SYT13: variants seen among roughly 807,000 people sequenced by gnomAD.
SYT13 encodes the protein synaptotagmin 13, also known as synaptotagmin-13.
SYT13 carries 21 observed loss-of-function variants against 38.6 expected under a neutral mutation model. The observed-to-expected ratio is 0.54, with a 90% CI of 0.39 to 0.78. SYT13 has a LOEUF of 0.78. Among genes scored for constraint, SYT13 ranks in the 30% least tolerant of loss-of-function variants. SYT13 has a pLI of 0.00. For synonymous variants in SYT13, 241 were observed against 237.6 expected (o/e 1.01, Z -0.13); for missense variants, 495 against 548.7 (o/e 0.90, Z 0.98).
At chr11:45,269,212 T>C (rs959183317) in intron 1 of SYT13, among the ~76,000 whole-genome samples, 16 of 151,974 alleles carry the variant, frequency 1.1e-4, no homozygotes, top group South Asian at 2.1e-4. Context: ...GTGTCCAGAG[T>C]ACAGTCAGTC....
chr11:45,240,903 C>T lies in SYT13; in HGVS notation c.*3149G>A, dbSNP rs1276801890. ...CTTTCGAAAATGATGAGATACTTCACACAGGCTCAGTTACTATAATTTGAT... is the reference window on the plus strand; with the variant it reads ...CTTTCGAAAATGATGAGATACTTCATACAGGCTCAGTTACTATAATTTGAT... On this transcript the variant is annotated 3_prime_UTR_variant, in exon 6 of 6. Coordinates refer to ENST00000020926, the MANE Select transcript of SYT13 (RefSeq NM_020826.3). The T allele has an allele frequency of 2.6e-5, 4 of 152,216 alleles. No homozygotes were observed. The East Asian group carries it at 7.7e-4, about 29-fold the overall frequency. The allele number at this position is 152,216 out of a possible 1,614,324, so 9.4% of individuals were successfully genotyped here. A position where few individuals can be genotyped will look rare whatever the true frequency, so the allele number is the denominator to read the frequency against.
At chr11:45,244,584 G>T (rs778851354) in intron 5 of SYT13, among the ~76,000 whole-genome samples, 2 of 152,146 alleles carry the variant, frequency 1.3e-5, no homozygotes, top group Non-Finnish European at 2.9e-5. Context: ...TGCTATACCA[G>T]CAGGAAAGCA....
intron 1 of SYT13, among the ~76,000 whole-genome samples, chr11:45,285,344 G>C (rs1166436222): frequency 6.6e-6 from 1 of 152,300 alleles, no homozygotes; most frequent in Admixed American, 6.5e-5. Context: ...TGTCTCCAGG[G>C]ACGTCTGCAG....
chr11:45,272,442 A>G lies in SYT13; in HGVS notation c.183+13583T>C, dbSNP rs551160080. ...GGCGACAAAGTGATTCTTCTGTGTG[A>G]ATTTCATGACTAGTCAGGAAGCAGA... is the stretch of plus-strand genomic sequence containing the variant. On this transcript the variant is annotated intron_variant, in intron 1 of 5. Coordinates refer to ENST00000020926, the MANE Select transcript of SYT13 (RefSeq NM_020826.3). 2.0e-5 allele frequency among the ~76,000 whole-genome samples: 3 copies of G among 152,316 alleles called. No individual in the cohort carries two copies. In the East Asian group the frequency reaches 5.8e-4, roughly 29 times the overall value.
chr11:45,263,042 C>T (rs1178177588), intron 1 of SYT13, among the ~76,000 whole-genome samples: 2 of 152,176 alleles, frequency 1.3e-5, no homozygotes, highest in Non-Finnish European at 2.9e-5. Flanking sequence ...TGCTTGTCCT[C>T]TCTCCTCCCA....
In SYT13 at chr11:45,243,922, A is replaced by T; in HGVS notation, c.*130T>A. 1 of 953,476 alleles carries T rather than the reference A, an allele frequency of 1.0e-6. No homozygotes were observed. Among genetic ancestry groups the T allele is most frequent in the East Asian group, 2.4e-5 (1 of 41,190 alleles). 59.1% of individuals were successfully genotyped at this position (953,476 alleles called of 1,614,324 possible). ...TTCTAAGAAACAAGAGTATGATGAG[A>T]GAGCCATCCCAGCCTTGCAAACACA... On this transcript the variant is annotated 3_prime_UTR_variant, in exon 6 of 6. Transcript: ENST00000020926.
intron 1 of SYT13, among the ~76,000 whole-genome samples, chr11:45,284,328 T>C (rs1001763191): frequency 1.1e-4 from 16 of 152,192 alleles, no homozygotes; most frequent in African/African-American, 3.6e-4. Context: ...GCAAGTCAGT[T>C]ACCTTCTCTA....
chr11:45,255,354 A>G (rs1854731294), intron 2 of SYT13, among the ~76,000 whole-genome samples: 1 of 152,182 alleles, frequency 6.6e-6, no homozygotes, highest in African/African-American at 2.4e-5. Context: ...AAGGGCAGCA[A>G]ATTAAACCCT....
In SYT13 at chr11:45,252,515, C is replaced by T. The variant is rs141892837; in HGVS notation, c.752G>A (p.Arg251His). 2.1e-4 allele frequency: 331 copies of T among 1,614,032 alleles called. No homozygotes were observed. The highest frequency in any genetic ancestry group is 2.6e-4 in the Non-Finnish European group (304 of 1,180,032). ...LTLRTCDRFS[R>H]HSVAGELRLG... ...GCGGAGCTCCCCGGCCACGCTGTGA[C>T]GGGAGAAGCGGTCGCAGGTCCTCAA... The change falls in exon 4 of 6, where the codon CGT becomes CAT. Residue 251 changes from arginine (R) to histidine (H), a missense_variant. Transcript: ENST00000020926. This position sits in a 1 kb window ranked among gnomAD's most constrained non-coding sequence, Gnocchi z 4.3.
intron 1 of SYT13, among the ~76,000 whole-genome samples, chr11:45,269,165 G>A (rs917963159): frequency 9.9e-5 from 15 of 152,032 alleles, no homozygotes; most frequent in Admixed American, 5.2e-4. Context: ...ATTGGAGAGG[G>A]GCATTCCGCC....
intron 2 of SYT13, 31 bp from the exon 3 acceptor site, chr11:45,254,435 C>T: frequency 1.0e-5 from 16 of 1,604,238 alleles, no homozygotes; most frequent in Non-Finnish European, 1.4e-5. Flanking sequence ...GTCACTGCCA[C>T]CCACACTGGG....
chr11:45,242,866 A>T lies in SYT13; in HGVS notation c.*1186T>A, dbSNP rs1854568561. 1 of 152,236 alleles carries T rather than the reference A, an allele frequency of 6.6e-6. No homozygotes were observed. The highest frequency in any genetic ancestry group is 2.4e-5 in the African/African-American group (1 of 41,452). 9.4% of individuals were successfully genotyped at this position (152,236 alleles called of 1,614,324 possible). On this transcript the variant is annotated 3_prime_UTR_variant, in exon 6 of 6. Coordinates refer to ENST00000020926, the MANE Select transcript of SYT13 (RefSeq NM_020826.3). The stretch of plus-strand genomic sequence containing the variant: ...AATGTGGACATCTGTTTAGAATAAC[A>T]AGGTAGGAATTCAAAACCTAGCTGC...
chr11:45,270,945 A>T (rs1565392510), intron 1 of SYT13, among the ~76,000 whole-genome samples: 1 of 152,206 alleles, frequency 6.6e-6, no homozygotes, highest in Non-Finnish European at 1.5e-5. Context: ...AAATCAGAAC[A>T]TACTTGTTGC....
chr11:45,258,681 G>C (rs377729646), intron 1 of SYT13, among the ~76,000 whole-genome samples: 1 of 152,292 alleles, frequency 6.6e-6, no homozygotes, highest in Non-Finnish European at 1.5e-5. Flanking sequence ...GCACAATCAG[G>C]GGTGCCTGGG....
intron 1 of SYT13, among the ~76,000 whole-genome samples, chr11:45,280,277 T>A (rs554797647): frequency 6.6e-6 from 1 of 151,902 alleles, no homozygotes; most frequent in East Asian, 1.9e-4. Flanking sequence ...AACGTCCCAA[T>A]CCCCAGGGGG....
intron 3 of SYT13, 89 bp downstream of exon 3, chr11:45,254,181 C>G: frequency 6.9e-7 from 1 of 1,450,492 alleles, no homozygotes; most frequent in Non-Finnish European, 9.2e-7. Context: ...AGTGCTCTCT[C>G]CAGCTGCAGA....
chr11:45,286,031 T>C lies in SYT13; in HGVS notation c.177A>G (p.Ala59=), dbSNP rs752965830. 1.1e-5 allele frequency: 17 copies of C among 1,607,784 alleles called. No individual in the cohort carries two copies. The highest frequency in any genetic ancestry group is 4.4e-5 in the South Asian group (4 of 90,460). The change falls in exon 1 of 6, where the codon GCA becomes GCG. Residue 59 remains alanine (A), a synonymous_variant. Coordinates refer to ENST00000020926, the MANE Select transcript of SYT13 (RefSeq NM_020826.3). The part of the protein sequence containing the change: ...EKAKPSLLGS[A]QQFNVKKSTE... Reference sequence around the variant, plus strand: ...GCGCGCCGCCCCCGCTCACCTGTTGTGCAGACCCGAGCAAGCTGGGCTTCG... The same window carrying C: ...GCGCGCCGCCCCCGCTCACCTGTTGCGCAGACCCGAGCAAGCTGGGCTTCG...
intron 4 of SYT13, among the ~76,000 whole-genome samples, chr11:45,251,816 T>C (rs142111211): frequency 1.3e-5 from 2 of 152,244 alleles, no homozygotes; most frequent in East Asian, 3.9e-4. Flanking sequence ...AGTCTGGGGA[T>C]TGCATGGACC....
intron 1 of SYT13, among the ~76,000 whole-genome samples, chr11:45,257,565 T>C (rs1353140148): frequency 6.6e-6 from 1 of 151,402 alleles, no homozygotes; most frequent in African/African-American, 2.4e-5. Context: ...GGGGAGGGAG[T>C]GGACGTGGTC....
Sources: gnomAD v4.1 joint callset for allele counts (sites outside exome capture counted in the v4.1 genomes callset) on GRCh38, gnomAD v4.1.1 for gene constraint, Gnocchi (gnomAD v3.1) non-coding constraint, MANE v1.5 for transcripts, NCBI Gene and HGNC (gene_info 2026-07-23, HGNC 2026-07-21) for gene names.